TBC1D5: variants seen among roughly 807,000 people sequenced by gnomAD.
TBC1D5 encodes the protein TBC1 domain family, member 5.
Under a neutral mutation model 100.3 loss-of-function variants are expected in TBC1D5, and 75 were observed. The ratio of observed to expected loss-of-function variants is 0.75; its 90% confidence interval spans 0.62 to 0.91. TBC1D5 has a LOEUF of 0.91. Ranked by LOEUF, TBC1D5 falls within the 40% of genes least tolerant of loss-of-function variation. TBC1D5 has a pLI of 0.00. For missense variants in TBC1D5, 910 were observed against 942.4 expected, an observed-to-expected ratio of 0.97 and a Z score of 0.45; for synonymous variants, 323 against 325.6, an observed-to-expected ratio of 0.99 and a Z score of 0.09.
chr3:17,596,944 A>C (rs888961538), intron 2 of TBC1D5, among the ~76,000 whole-genome samples: 3 of 152,194 alleles, frequency 2.0e-5, no homozygotes, highest in Non-Finnish European at 2.9e-5. Flanking sequence ...CTATTGGCAC[A>C]CTAAGTCAGG....
intron 2 of TBC1D5, among the ~76,000 whole-genome samples, chr3:17,573,619 T>C (rs952399403): frequency 6.6e-6 from 1 of 152,104 alleles, no homozygotes; most frequent in Non-Finnish European, 1.5e-5. Context: ...CTCAAACTAC[T>C]TGCAGTTCCT....
chr3:17,223,967 T>C (rs917784765), intron 17 of TBC1D5, among the ~76,000 whole-genome samples: 1 of 152,006 alleles, frequency 6.6e-6, no homozygotes, highest in African/African-American at 2.4e-5. Flanking sequence ...CCAATATATA[T>C]AATTAAATTT....
At chr3:17,243,937 T>C (rs1286016615) in intron 16 of TBC1D5, among the ~76,000 whole-genome samples, 1 of 152,102 alleles carries the variant, frequency 6.6e-6, no homozygotes, top group Non-Finnish European at 1.5e-5. Flanking sequence ...TGGAGTGGAA[T>C]GGTAGAGAAG....
chr3:17,726,597 T>C (rs902584192), intron 1 of TBC1D5, among the ~76,000 whole-genome samples: 2 of 152,260 alleles, frequency 1.3e-5, no homozygotes, highest in South Asian at 2.1e-4. Context: ...AAGTTCCTTA[T>C]TGATTCTGGA....
chr3:17,203,176 C>A (rs2470581), intron 18 of TBC1D5, among the ~76,000 whole-genome samples: 1 of 152,024 alleles, frequency 6.6e-6, no homozygotes, highest in African/African-American at 2.4e-5. Context: ...GTCTGGATGT[C>A]AGACATGGAG....
chr3:17,488,607 A>G (rs1024298954), intron 3 of TBC1D5, among the ~76,000 whole-genome samples: 4 of 152,258 alleles, frequency 2.6e-5, no homozygotes, highest in Admixed American at 2.0e-4. Context: ...AATAAATAAG[A>G]GTTTCTGTTG....
At chr3:17,448,351 CTGA>C (rs2149670200) in intron 3 of TBC1D5, among the ~76,000 whole-genome samples, 1 of 152,294 alleles carries the variant, frequency 6.6e-6, no homozygotes, top group Non-Finnish European at 1.5e-5. Flanking sequence ...CCTGTTCAGG[CTGA>C]TATTTTGACC....
At chr3:17,406,347 A>G (rs1373992239) in intron 5 of TBC1D5, 71 bp downstream of exon 5, 10 of 1,366,280 alleles carry the variant, frequency 7.3e-6, no homozygotes, top group Non-Finnish European at 9.0e-6. Context: ...TGCATGGCTA[A>G]TCTTCCAGGG....
intron 2 of TBC1D5, among the ~76,000 whole-genome samples, chr3:17,559,462 A>T (rs1394357192): frequency 6.6e-6 from 1 of 152,136 alleles, no homozygotes; most frequent in Admixed American, 6.5e-5. Flanking sequence ...TTAAATGACA[A>T]GGAAAATAAG....
chr3:17,559,641 G>GTGCAACGGCGCGATCTCGGCTCAC (rs1322026225), intron 2 of TBC1D5, among the ~76,000 whole-genome samples: 1 of 151,204 alleles, frequency 6.6e-6, no homozygotes, highest in African/African-American at 2.4e-5. Context: ...CCTGGCTGGA[G>GTGCAACGGCGCGATCTCGGCTCAC]TGCAACGGCG....
At chr3:17,216,891 A>G (rs1412799065) in intron 17 of TBC1D5, among the ~76,000 whole-genome samples, 2 of 152,194 alleles carry the variant, frequency 1.3e-5, no homozygotes, top group Non-Finnish European at 2.9e-5. Flanking sequence ...AATTCATGTC[A>G]TAACTTTCAC....
At chr3:17,244,726 C>T (rs1306727842) in intron 16 of TBC1D5, among the ~76,000 whole-genome samples, 1 of 152,104 alleles carries the variant, frequency 6.6e-6, no homozygotes, top group African/African-American at 2.4e-5. Context: ...CTAACTCTGT[C>T]ATTATTGATC....
chr3:17,177,214 T>C (rs756987033), intron 19 of TBC1D5, among the ~76,000 whole-genome samples: 9 of 152,148 alleles, frequency 5.9e-5, no homozygotes, highest in Non-Finnish European at 1.0e-4. Context: ...ATGATGAAAG[T>C]TGGACAGTCT....
intron 2 of TBC1D5, among the ~76,000 whole-genome samples, chr3:17,565,001 G>GAAAGCAA (rs145581379): frequency 6.6e-6 from 1 of 150,878 alleles, no homozygotes; most frequent in East Asian, 1.9e-4. Context: ...TTTTCTACTA[G>GAAAGCAA]AAAACAAAAA....
At chr3:17,438,592 T>C (rs1468312624) in intron 3 of TBC1D5, among the ~76,000 whole-genome samples, 2 of 152,234 alleles carry the variant, frequency 1.3e-5, no homozygotes, top group African/African-American at 4.8e-5. Flanking sequence ...GTAAGTTTCC[T>C]GAGGCCTCCC....
chr3:17,157,310 C>CCAT (rs1205416986), exon 22 of TBC1D5: 21 of 152,264 alleles, frequency 1.4e-4, no homozygotes, highest in African/African-American at 3.6e-4. Context: ...ACTGAATATT[C>CCAT]CATCAATCAA....
intron 2 of TBC1D5, among the ~76,000 whole-genome samples, chr3:17,619,263 T>C (rs903359502): frequency 2.0e-5 from 3 of 152,080 alleles, no homozygotes; most frequent in Non-Finnish European, 4.4e-5. Context: ...GTTAGACAAG[T>C]TGATACTGAA....
At chr3:17,637,676 A>G (rs2064092827) in intron 1 of TBC1D5, among the ~76,000 whole-genome samples, 2 of 152,186 alleles carry the variant, frequency 1.3e-5, no homozygotes, top group Admixed American at 6.5e-5. Flanking sequence ...GCAAATAAAA[A>G]TAAGTTAATT....
intron 1 of TBC1D5, among the ~76,000 whole-genome samples, chr3:17,648,808 A>T (rs2065256545): frequency 6.6e-6 from 1 of 152,186 alleles, no homozygotes; most frequent in Non-Finnish European, 1.5e-5. Context: ...AATGGCTAGT[A>T]TTAGAAAGTC....
Sources: gnomAD v4.1 joint callset for allele counts (sites outside exome capture counted in the v4.1 genomes callset) on GRCh38, gnomAD v4.1.1 for gene constraint, MANE v1.5 for transcripts, NCBI Gene and HGNC (gene_info 2026-07-23, HGNC 2026-07-21) for gene names.